Variants in ANKRD18A observed in about 807,000 individuals in gnomAD.
ANKRD18A encodes ankyrin repeat domain 18A.
Under a neutral mutation model 110.6 loss-of-function variants are expected in ANKRD18A, and 72 were observed. The ratio of observed to expected loss-of-function variants is 0.65; its 90% CI spans 0.54 to 0.79. The LOEUF is 0.79. Ranked by LOEUF, ANKRD18A falls within the 30% of genes least tolerant of loss-of-function variation. The pLI is 0.00. For synonymous variants in ANKRD18A, 305 were observed against 410.3 expected, an observed-to-expected ratio of 0.74 and a Z score of 3.10; for missense variants, 934 against 1,163.3, an observed-to-expected ratio of 0.80 and a Z score of 2.87.
rs773451249 is a variant in ANKRD18A at position 38,610,284 on chromosome 9, A to G, written c.729T>C (p.Ser243=). The stretch of plus-strand genomic sequence containing the variant: ...ATATAAGCACATACCTTCTCAAATC[A>G]GAACAAAGAGCATAATCCTCGGCAG... ...GQTAEDYALC[S]DLRSIRQQIL... The change falls in exon 5 of 16, where the codon TCT becomes TCC. Residue 243 remains serine (S), a synonymous_variant. Coordinates refer to ENST00000399703, the MANE Select transcript of ANKRD18A (RefSeq NM_147195.4). 357 of 1,540,496 alleles carry G rather than the reference A, an allele frequency of 2.3e-4. No individual in the cohort carries two copies. The highest frequency in any genetic ancestry group is 2.7e-4 in the Non-Finnish European group (308 of 1,143,856).
At chr9:38,584,217 C>A (rs1222191078) in intron 12 of ANKRD18A, among the ~76,000 whole-genome samples, 1 of 152,178 alleles carries the variant, frequency 6.6e-6, no homozygotes, top group African/African-American at 2.4e-5. Context: ...AGAGAAGAAC[C>A]CAGATTTGGC....
At chr9:38,588,043 G>A (rs4338195) in intron 11 of ANKRD18A, among the ~76,000 whole-genome samples, 35,246 of 150,468 alleles carry the variant, frequency 0.23, 3,485 homozygotes, top group East Asian at 0.42. Flanking sequence ...AGCCGAGATC[G>A]CGTCATTGCA....
intron 3 of ANKRD18A, among the ~76,000 whole-genome samples, chr9:38,615,364 AAAG>A (rs533480300): frequency 0.019 from 2,902 of 152,328 alleles, 81 homozygotes; most frequent in African/African-American, 0.059. Context: ...AAATACTTGA[AAAG>A]AAGAAGTTTT....
intron 6 of ANKRD18A, 102 bp downstream of exon 6, chr9:38,607,324 T>C (rs1825405952): frequency 1.1e-6 from 1 of 946,848 alleles, no homozygotes; most frequent in African/African-American, 1.8e-5. Context: ...CCCAAAGTGC[T>C]GGGATTACAG....
At chr9:38,568,940 T>C (rs1823543511), downstream of ANKRD18A, 3 of 985,304 alleles carry the variant, frequency 3.0e-6, no homozygotes, top group Admixed American at 6.1e-5. Context: ...GCCAGGGTTG[T>C]TCGGATGCCA....
In ANKRD18A at chr9:38,620,451, A is replaced by G; in HGVS notation, c.-166T>C. On this transcript the variant is annotated 5_prime_UTR_variant, in exon 1 of 16. Transcript: ENST00000399703. Reference sequence around the variant, plus strand: ...TCCAAGATCCACCCCCAAACCCGCAATGTAGCTCAGAATCCGCGATCCAGC... The same window carrying G: ...TCCAAGATCCACCCCCAAACCCGCAGTGTAGCTCAGAATCCGCGATCCAGC... 2 of 1,364,774 alleles carry G rather than the reference A, an allele frequency of 1.5e-6. No homozygotes were observed. Among genetic ancestry groups the G allele is most frequent in the East Asian group, 2.8e-5 (1 of 36,112 alleles). 84.5% of individuals were successfully genotyped at this position (1,364,774 alleles called of 1,614,324 possible). A position where few individuals can be genotyped will look rare whatever the true frequency, so the allele number is the denominator to read the frequency against.
At chr9:38,588,385 C>G (rs1030608239) in intron 11 of ANKRD18A, among the ~76,000 whole-genome samples, 166 bp downstream of exon 11, 3 of 151,958 alleles carry the variant, frequency 2.0e-5, no homozygotes, top group African/African-American at 7.2e-5. Flanking sequence ...TGCTCACATG[C>G]CTATAAAGTT....
intron 3 of ANKRD18A, among the ~76,000 whole-genome samples, chr9:38,611,575 A>G (rs751582762): frequency 3.3e-5 from 5 of 152,142 alleles, no homozygotes; most frequent in Non-Finnish European, 5.9e-5. Flanking sequence ...CCTTGCTTCT[A>G]TCTCAGCATT....
rs1823979257 is a variant in ANKRD18A at position 38,578,015 on chromosome 9, T to A, written c.2381A>T (p.Asp794Val). Residue 794 changes from aspartate (D) to valine (V), a missense_variant, in exon 13 of 16, where the codon GAT becomes GTT. By Grantham distance (152) the Asp-to-Val change is radical (BLOSUM62 -3). This residue lies in a region of ANKRD18A where 223 missense variants were observed against 226.7 expected (regional missense o/e 0.98). Transcript: ENST00000399703. Reference protein sequence around the residue: ...VQEKCEKLEKDKKMLEEEVLN... With the variant: ...VQEKCEKLEKVKKMLEEEVLN... Reference sequence around the variant, plus strand: ...TACTTCTTCTTCCAACATCTTTTTATCCTTCTCAAGTTTTTCACATTTCTC... The same window carrying A: ...TACTTCTTCTTCCAACATCTTTTTAACCTTCTCAAGTTTTTCACATTTCTC... The A allele has an allele frequency of 3.9e-6, 6 of 1,556,142 alleles. No individual in the cohort carries two copies. The South Asian group carries it at 4.7e-5, about 12-fold the overall frequency.
chr9:38,612,752 C>T (rs565074328), intron 3 of ANKRD18A, among the ~76,000 whole-genome samples: 82 of 151,990 alleles, frequency 5.4e-4, no homozygotes, highest in South Asian at 2.1e-4. Context: ...CTCCTGACCT[C>T]GTGATCTGCC....
At chr9:38,571,298 C>T (rs1823633286), downstream of ANKRD18A, 1 of 1,306,932 alleles carries the variant, frequency 7.7e-7, no homozygotes, top group Non-Finnish European at 9.9e-7. Flanking sequence ...GACATAAAGT[C>T]AGCTTGAAAT....
chr9:38,620,329 G>A lies in ANKRD18A; in HGVS notation c.-44C>T. ...GCCCACCACCCGCTCCTGAGCCGCG[G>A]CGGCTCCTCGTGGCCTTTCCACCCC... On this transcript the variant is annotated 5_prime_UTR_variant, in exon 1 of 16. Coordinates refer to ENST00000399703, the MANE Select transcript of ANKRD18A (RefSeq NM_147195.4). The A allele has an allele frequency of 2.0e-6, 3 of 1,529,450 alleles. No individual in the cohort carries two copies. The highest frequency in any genetic ancestry group is 2.6e-6 in the Non-Finnish European group (3 of 1,134,610). The allele number at this position is 1,529,450 out of a possible 1,614,324, so 94.7% of individuals were successfully genotyped here.
chr9:38,598,654 G>T (rs1824992846), intron 8 of ANKRD18A, among the ~76,000 whole-genome samples: 1 of 152,090 alleles, frequency 6.6e-6, no homozygotes, highest in African/African-American at 2.4e-5. Context: ...ATCACTATGT[G>T]GTGGAGAATA....
chr9:38,594,464 G>A (rs1341066071), intron 9 of ANKRD18A, among the ~76,000 whole-genome samples: 4 of 152,094 alleles, frequency 2.6e-5, no homozygotes, highest in Non-Finnish European at 4.4e-5. Context: ...GACTTAAAAT[G>A]TAAATTATGA....
chr9:38,584,618 G>T, intron 12 of ANKRD18A, among the ~76,000 whole-genome samples: 1 of 152,134 alleles, frequency 6.6e-6, no homozygotes, highest in East Asian at 1.9e-4. Context: ...GGAGACATGG[G>T]CTGCTTCGTT....
At chr9:38,584,964 CA>C (rs1435269692) in intron 12 of ANKRD18A, among the ~76,000 whole-genome samples, 2 of 152,072 alleles carry the variant, frequency 1.3e-5, no homozygotes, top group Non-Finnish European at 2.9e-5. Context: ...TGAAAAAAAT[CA>C]AAGTTATTTT....
chr9:38,584,117 C>T (rs1824274877), intron 12 of ANKRD18A, among the ~76,000 whole-genome samples: 1 of 152,176 alleles, frequency 6.6e-6, no homozygotes, highest in Non-Finnish European at 1.5e-5. Context: ...TGCAGGACCC[C>T]TCTCTTTGCT....
chr9:38,585,193 C>CT (rs1824329351), intron 12 of ANKRD18A, among the ~76,000 whole-genome samples: 1 of 152,162 alleles, frequency 6.6e-6, no homozygotes. Flanking sequence ...TATTTACCCT[C>CT]TATTTTCTCT....
At chr9:38,586,008 G>A (rs1279976926) in intron 12 of ANKRD18A, among the ~76,000 whole-genome samples, 175 bp downstream of exon 12, 1 of 152,124 alleles carries the variant, frequency 6.6e-6, no homozygotes, top group East Asian at 1.9e-4. Flanking sequence ...GGCTTGTTGG[G>A]GTCAGGAGGG....
Sources: allele counts gnomAD v4.1 joint callset (sites outside exome capture counted in the v4.1 genomes callset), GRCh38; gene constraint gnomAD v4.1.1; regional missense constraint gnomAD v4.1.1; transcripts MANE v1.5; gene names NCBI Gene and HGNC (gene_info 2026-07-23, HGNC 2026-07-21).